The following EPHA6 variants were observed in gnomAD, a reference collection of about 807,000 sequenced individuals.
The protein encoded by EPHA6 is ephrin type-A receptor 6.
Under a neutral mutation model 112.0 loss-of-function variants are expected in EPHA6, and 50 were observed. The ratio of observed to expected loss-of-function variants is 0.45; its 90% confidence interval spans 0.36 to 0.56. The LOEUF is 0.56. Ranked by LOEUF, EPHA6 falls within the 20% of genes least tolerant of loss-of-function variation. The probability of loss-of-function intolerance (pLI) is 0.00; values close to 1 mark genes in which losing one functional copy is unlikely to be tolerated. For synonymous variants in EPHA6, 529 were observed against 490.7 expected, an observed-to-expected ratio of 1.08 and a Z score of -1.03; for missense variants, 1,280 against 1,417.4, an observed-to-expected ratio of 0.90 and a Z score of 1.56.
chr3:97,030,545 C>G (rs891246848), intron 3 of EPHA6, among the ~76,000 whole-genome samples: 1 of 152,026 alleles, frequency 6.6e-6, no homozygotes, highest in Non-Finnish European at 1.5e-5. Flanking sequence ...CTAAAGTTCT[C>G]CTAACCTCTC....
intron 5 of EPHA6, among the ~76,000 whole-genome samples, chr3:97,326,133 A>T (rs921312290): frequency 2.6e-5 from 4 of 152,070 alleles, no homozygotes; most frequent in African/African-American, 4.8e-5. Flanking sequence ...GAGTCACTAT[A>T]TTAAGAATAA....
intron 5 of EPHA6, among the ~76,000 whole-genome samples, chr3:97,343,379 C>T (rs74457412): frequency 0.013 from 1,994 of 152,056 alleles, 36 homozygotes; most frequent in African/African-American, 0.045. Context: ...AGTGTTGAAG[C>T]GGCACCTTGG....
chr3:97,606,966 A>G (rs1329660500), intron 12 of EPHA6, among the ~76,000 whole-genome samples: 1 of 151,090 alleles, frequency 6.6e-6, no homozygotes, highest in African/African-American at 2.4e-5. Flanking sequence ...TGCCTGGTAG[A>G]CAAAATATAA....
At chr3:96,955,839 A>C (rs1231535975) in intron 2 of EPHA6, among the ~76,000 whole-genome samples, 1 of 152,358 alleles carries the variant, frequency 6.6e-6, no homozygotes, top group East Asian at 1.9e-4. Context: ...AATTAAAAAC[A>C]GTTGTCAGTT....
Position 96,987,602 on chromosome 3 carries a change from G to A in EPHA6, c.723G>A (p.Lys241=). The A allele has an allele frequency of 6.2e-7, 1 of 1,613,518 alleles. No homozygotes were observed. The highest frequency in any genetic ancestry group is 8.5e-7 in the Non-Finnish European group (1 of 1,179,516). The part of the protein sequence containing the change: ...GIKFKPNQYT[K]IDTIAADESF... ...AATTCAAGCCAAACCAGTATACAAA[G>A]ATCGACACAATTGCTGCTGATGAGA... The change falls in exon 3 of 18, where the codon AAG becomes AAA. Residue 241 remains lysine (K), a synonymous_variant. Coordinates refer to ENST00000389672, the MANE Select transcript of EPHA6 (RefSeq NM_001080448.3).
At chr3:96,928,904 G>T (rs1440856963) in intron 2 of EPHA6, among the ~76,000 whole-genome samples, 1 of 151,932 alleles carries the variant, frequency 6.6e-6, no homozygotes, top group East Asian at 1.9e-4. Context: ...ATCTTTGTTG[G>T]TTTAAAGTCT....
intron 1 of EPHA6, among the ~76,000 whole-genome samples, chr3:96,850,097 T>A (rs997160999): frequency 6.6e-6 from 1 of 152,116 alleles, no homozygotes; most frequent in African/African-American, 2.4e-5. Context: ...CTTTCCAGCA[T>A]TAGAGATGTC....
intron 1 of EPHA6, among the ~76,000 whole-genome samples, chr3:96,820,541 G>C (rs1245677970): frequency 1.3e-5 from 2 of 151,992 alleles, no homozygotes; most frequent in African/African-American, 4.8e-5. Flanking sequence ...AAGAAGCCCA[G>C]ATTAATTTTT....
intron 13 of EPHA6, among the ~76,000 whole-genome samples, chr3:97,633,616 A>C (rs1023751857): frequency 1.3e-5 from 2 of 152,094 alleles, no homozygotes; most frequent in Non-Finnish European, 2.9e-5. Flanking sequence ...CTCATGTCCT[A>C]CTTTAAGAAA....
chr3:96,953,903 GACTCTGTC>G (rs1359873530), intron 2 of EPHA6, among the ~76,000 whole-genome samples: 3 of 150,334 alleles, frequency 2.0e-5, no homozygotes, highest in Admixed American at 6.7e-5. Flanking sequence ...GACATGGTCT[GACTCTGTC>G]ACTCAGGCTG....
At chr3:96,977,121 G>C (rs750407410) in intron 2 of EPHA6, among the ~76,000 whole-genome samples, 1 of 152,176 alleles carries the variant, frequency 6.6e-6, no homozygotes, top group Non-Finnish European at 1.5e-5. Context: ...GGTCTTAGGA[G>C]TCCAAGTATT....
intron 5 of EPHA6, among the ~76,000 whole-genome samples, chr3:97,334,893 T>C (rs182321228): frequency 6.6e-6 from 1 of 152,206 alleles, no homozygotes; most frequent in Non-Finnish European, 1.5e-5. Context: ...GATTCCATTA[T>C]GGTTACAGAA....
intron 3 of EPHA6, among the ~76,000 whole-genome samples, chr3:97,079,580 A>T (rs1453854529): frequency 6.7e-6 from 1 of 148,874 alleles, no homozygotes; most frequent in Admixed American, 6.8e-5. Flanking sequence ...AATCGTGCAC[A>T]TGTACCCCTG....
rs530291342 is a variant in EPHA6, at chr3:97,343,285, T to C, written c.1607-61865T>C. On this transcript the variant is annotated intron_variant, in intron 5 of 17. Transcript: ENST00000389672. ...TAAAGTAGCAAAGAACTTGGCTAAA[T>C]TGTGTTTGTGTTCTAGTGTTCTGTA... is the stretch of plus-strand genomic sequence containing the variant. Among the ~76,000 whole-genome samples, 10 of 152,274 alleles carry C rather than the reference T, an allele frequency of 6.6e-5. No individual in the cohort carries two copies. In the South Asian group the frequency reaches 1.2e-3, roughly 19 times the overall value.
intron 3 of EPHA6, among the ~76,000 whole-genome samples, chr3:97,136,648 G>A (rs968804847): frequency 6.6e-6 from 1 of 152,176 alleles, no homozygotes; most frequent in Admixed American, 6.5e-5. Flanking sequence ...AGGAATGGTT[G>A]AGCCTAGGAG....
At chr3:96,929,961 A>G (rs1198138889) in intron 2 of EPHA6, among the ~76,000 whole-genome samples, 1 of 152,110 alleles carries the variant, frequency 6.6e-6, no homozygotes, top group African/African-American at 2.4e-5. Flanking sequence ...CTCTTATTTT[A>G]GAAAGATATT....
intron 3 of EPHA6, among the ~76,000 whole-genome samples, chr3:97,153,654 G>A (rs1434078073): frequency 1.3e-5 from 2 of 151,792 alleles, no homozygotes; most frequent in African/African-American, 4.8e-5. Context: ...TAAAACTTCT[G>A]GGAATAATTG....
intron 1 of EPHA6, among the ~76,000 whole-genome samples, chr3:96,828,690 C>T (rs116122444): frequency 0.013 from 2,032 of 152,208 alleles, 45 homozygotes; most frequent in African/African-American, 0.044. Flanking sequence ...CTGTGTCTTT[C>T]TCCATCTCCA....
intron 2 of EPHA6, among the ~76,000 whole-genome samples, chr3:96,877,931 T>TATATA (rs1559793917): frequency 8.3e-6 from 1 of 120,234 alleles, no homozygotes; most frequent in Non-Finnish European, 1.6e-5. Context: ...ATATATATAT[T>TATATA]TTTTTTTTTT....
Sources: gnomAD v4.1 joint callset for allele counts (sites outside exome capture counted in the v4.1 genomes callset) on GRCh38, gnomAD v4.1.1 for gene constraint, MANE v1.5 for transcripts, NCBI Gene and HGNC (gene_info 2026-07-23, HGNC 2026-07-21) for gene names.